Variants in PDLIM4 observed in about 807,000 individuals in gnomAD.
PDLIM4 encodes PDZ and LIM domain 4.
Under a neutral mutation model 31.3 loss-of-function variants are expected in PDLIM4, and 19 were observed. The observed-to-expected ratio is 0.61, with a 90% CI of 0.42 to 0.89. The LOEUF (loss-of-function observed/expected upper bound fraction) is 0.89, where lower values mean the gene tolerates loss of function less well. Among genes scored for constraint, PDLIM4 ranks in the 40% least tolerant of loss-of-function variants. The pLI is 0.00. For synonymous variants in PDLIM4, 176 were observed against 190.1 expected (o/e 0.93, Z 0.61); for missense variants, 442 against 461.1 (o/e 0.96, Z 0.38).
At chr5:132,261,034 T>C (rs1358950336) in intron 1 of PDLIM4, among the ~76,000 whole-genome samples, 1 of 152,244 alleles carries the variant, frequency 6.6e-6, no homozygotes, top group African/African-American at 2.4e-5. Flanking sequence ...CCCAAGCTTC[T>C]TTCTCTTCAT....
intron 5 of PDLIM4, 73 bp downstream of exon 5, chr5:132,271,539 C>T: frequency 6.8e-7 from 1 of 1,470,466 alleles, no homozygotes; most frequent in East Asian, 2.3e-5. Context: ...CTAGCGACCC[C>T]ACGTCCCGCC....
At chr5:132,262,577 T>C in intron 1 of PDLIM4, 32 bp from the exon 2 acceptor site, 1 of 1,572,712 alleles carries the variant, frequency 6.4e-7, no homozygotes, top group Non-Finnish European at 8.6e-7. Flanking sequence ...ATATCATGAC[T>C]GTGCCCAGCC....
intron 2 of PDLIM4, among the ~76,000 whole-genome samples, chr5:132,264,931 GAA>G (rs1756457561): frequency 6.6e-6 from 1 of 151,978 alleles, no homozygotes; most frequent in Non-Finnish European, 1.5e-5. Flanking sequence ...CCCACAGAAT[GAA>G]AAGTGTATCA....
At chr5:132,269,574 C>T (rs919221073) in intron 3 of PDLIM4, among the ~76,000 whole-genome samples, 7 of 151,908 alleles carry the variant, frequency 4.6e-5, no homozygotes, top group African/African-American at 1.7e-4. Context: ...GGGGCCCACC[C>T]AACTGCTGGT....
intron 3 of PDLIM4, among the ~76,000 whole-genome samples, chr5:132,267,898 C>G (rs777122075): frequency 2.0e-5 from 3 of 152,152 alleles, no homozygotes; most frequent in Non-Finnish European, 4.4e-5. Flanking sequence ...GGTAGGGGTA[C>G]ATGTTGCCAT....
chr5:132,272,507 C>CG lies in PDLIM4; in HGVS notation c.*281dup. ...GGTGGAAGGCAGACCTGAATCACAA[C>CG]GGGCCAGCTCTAGTAATACGAAGGT... On this transcript the variant is annotated 3_prime_UTR_variant, in exon 7 of 7. Transcript: ENST00000253754. 1 of 507,664 alleles carries CG rather than the reference C, an allele frequency of 2.0e-6. No homozygotes were observed. Among genetic ancestry groups the CG allele is most frequent in the South Asian group, 2.1e-5 (1 of 48,424 alleles). The allele number at this position is 507,664 out of a possible 1,614,324, so 31.4% of individuals were successfully genotyped here.
intron 4 of PDLIM4, 42 bp from the exon 5 acceptor site, chr5:132,271,261 G>A: frequency 6.4e-7 from 1 of 1,562,672 alleles, no homozygotes; most frequent in Non-Finnish European, 8.7e-7. Context: ...GGTGAAGGCT[G>A]GAACTGCATC....
chr5:132,257,783 C>T lies in PDLIM4; in HGVS notation c.49C>T (p.Leu17=). The change falls in exon 1 of 7, where the codon CTG becomes TTG. Residue 17 remains leucine (L), a synonymous_variant. Coordinates refer to ENST00000253754, the MANE Select transcript of PDLIM4 (RefSeq NM_003687.4). The surrounding 1 kb of genome is among the most constrained non-coding windows in gnomAD (Gnocchi z 4.3). ...LRGPSPWGFR[L]VGGRDFSAPL... ...CGGGCCTTCGCCCTGGGGCTTCCGC[C>T]TGGTGGGCGGCCGGGACTTCAGCGC... 4.6e-6 allele frequency: 7 copies of T among 1,506,806 alleles called. No homozygotes were observed. Among genetic ancestry groups the T allele is most frequent in the Middle Eastern group, 1.7e-4 (1 of 5,726 alleles). 93.3% of individuals were successfully genotyped at this position (1,506,806 alleles called of 1,614,324 possible).
chr5:132,270,588 G>T (rs1580803239), intron 3 of PDLIM4: 1 of 393,080 alleles, frequency 2.5e-6, no homozygotes, highest in Non-Finnish European at 4.7e-6. Context: ...CTTGGGATAG[G>T]CCTGCCCCAG....
chr5:132,271,553 C>T (rs752510555), intron 5 of PDLIM4, 87 bp downstream of exon 5: 4 of 1,363,590 alleles, frequency 2.9e-6, no homozygotes, highest in Middle Eastern at 1.8e-4. Flanking sequence ...TCCCGCCTCG[C>T]AGTCACCTGC....
intron 1 of PDLIM4, among the ~76,000 whole-genome samples, chr5:132,258,347 A>G (rs962416450): frequency 1.3e-5 from 2 of 152,056 alleles, no homozygotes; most frequent in South Asian, 4.2e-4. Context: ...CTCATTCACG[A>G]CCTCAGTCAC....
chr5:132,261,510 A>G (rs1756372799), intron 1 of PDLIM4: 1 of 152,280 alleles, frequency 6.6e-6, no homozygotes, highest in South Asian at 2.1e-4. Context: ...GCAGCTTTTG[A>G]ACCAGCTGGG....
chr5:132,260,831 G>A (rs1324838625), intron 1 of PDLIM4, among the ~76,000 whole-genome samples: 5 of 152,222 alleles, frequency 3.3e-5, no homozygotes, highest in South Asian at 2.1e-4. Context: ...TTGGCCTCAC[G>A]CCCTCTCTGA....
At chr5:132,262,805 G>A (rs767158974) in intron 2 of PDLIM4, 45 bp downstream of exon 2, 21 of 1,553,270 alleles carry the variant, frequency 1.4e-5, no homozygotes, top group Non-Finnish European at 1.6e-5. Flanking sequence ...GGACGAGGTG[G>A]GCAGTTATGG....
rs270619 is a variant in PDLIM4 at position 132,271,387 on chromosome 5, A to G, written c.591A>G (p.Pro197=). The change falls in exon 5 of 7, where the codon CCA becomes CCG. Residue 197 remains proline (P), a synonymous_variant. Coordinates refer to ENST00000253754, the MANE Select transcript of PDLIM4 (RefSeq NM_003687.4). ...AGGTGTACAGGATGCTGCGGGAGCC[A>G]GCCGAGCCCGTGGCCGCGGAGCCCA... is the stretch of plus-strand genomic sequence containing the variant. ...GSEVYRMLRE[P]AEPVAAEPKQ... 0.13 allele frequency: 207,523 copies of G among 1,607,530 alleles called. 20,710 individuals are homozygous for G. Among genetic ancestry groups the G allele is most frequent in the African/African-American group, 0.45 (33,953 of 74,976 alleles).
chr5:132,271,557 C>G, intron 5 of PDLIM4, 91 bp downstream of exon 5: 1 of 1,343,030 alleles, frequency 7.4e-7, no homozygotes, highest in Non-Finnish European at 1.1e-6. Flanking sequence ...GCCTCGCAGT[C>G]ACCTGCCCTC....
At chr5:132,260,509 C>T (rs1003493537) in intron 1 of PDLIM4, among the ~76,000 whole-genome samples, 6 of 152,150 alleles carry the variant, frequency 3.9e-5, no homozygotes, top group Non-Finnish European at 5.9e-5. Flanking sequence ...CATGATGCTC[C>T]GGCCATACAA....
chr5:132,266,350 T>A (rs2126676113), intron 2 of PDLIM4, 114 bp from the exon 3 acceptor site: 1 of 653,592 alleles, frequency 1.5e-6, no homozygotes, highest in Non-Finnish European at 2.8e-6. Context: ...AGCACTGGAG[T>A]GGTGTTCTTC....
intron 1 of PDLIM4, among the ~76,000 whole-genome samples, chr5:132,262,342 C>T (rs1241781706): frequency 6.6e-6 from 1 of 152,226 alleles, no homozygotes; most frequent in Non-Finnish European, 1.5e-5. Context: ...GCAAGAACAA[C>T]ATCCATTTGT....
Sources: allele counts gnomAD v4.1 joint callset (sites outside exome capture counted in the v4.1 genomes callset), GRCh38; gene constraint gnomAD v4.1.1; non-coding constraint Gnocchi (gnomAD v3.1); transcripts MANE v1.5; gene names NCBI Gene and HGNC (gene_info 2026-07-23, HGNC 2026-07-21).